GABRA4: variants seen among roughly 807,000 people sequenced by gnomAD.
The protein encoded by GABRA4 is gamma-aminobutyric acid type A receptor subunit alpha4, also known as gamma-aminobutyric acid receptor subunit alpha-4.
In GABRA4, 12 loss-of-function variants were observed where a neutral mutation model predicts 49.7. The observed-to-expected ratio is 0.24, with a 90% CI of 0.15 to 0.39. The LOEUF (loss-of-function observed/expected upper bound fraction) is 0.39. Among genes scored for constraint, GABRA4 ranks in the 10% least tolerant of loss-of-function variants. The pLI is 1.00. For synonymous variants in GABRA4, 288 were observed against 240.2 expected, an observed-to-expected ratio of 1.20 and a Z score of -1.84; for missense variants, 506 against 686.0, an observed-to-expected ratio of 0.74 and a Z score of 2.93.
intron 8 of GABRA4, among the ~76,000 whole-genome samples, chr4:46,944,176 T>C (rs1449483338): frequency 2.0e-5 from 3 of 152,148 alleles, no homozygotes; most frequent in Non-Finnish European, 4.4e-5. Flanking sequence ...ATAGACATGT[T>C]GATTAGCTTG....
intron 2 of GABRA4, among the ~76,000 whole-genome samples, chr4:46,983,252 T>C (rs927751227): frequency 2.0e-5 from 3 of 152,124 alleles, no homozygotes; most frequent in African/African-American, 7.2e-5. Context: ...ATCTAGAATA[T>C]AACATGCTAT....
rs1286928425 is a variant in GABRA4, at chr4:46,923,440, C to A, written c.*4785G>T. 1 of 152,052 alleles carries A rather than the reference C, an allele frequency of 6.6e-6. No individual in the cohort carries two copies. The highest frequency in any genetic ancestry group is 1.5e-5 in the Non-Finnish European group (1 of 67,986). 9.4% of individuals were successfully genotyped at this position (152,052 alleles called of 1,614,324 possible). A position where few individuals can be genotyped will look rare whatever the true frequency, so the allele number is the denominator to read the frequency against. The stretch of plus-strand genomic sequence containing the variant: ...CTGTCTTTTAATCAAGCAATCTACT[C>A]TTCTAGACAAACATATCCAAATACA... On this transcript the variant is annotated 3_prime_UTR_variant, in exon 9 of 9. Transcript: ENST00000264318.
chr4:46,952,524 C>A lies in GABRA4; in HGVS notation c.1134+12446G>T, dbSNP rs117831350. On this transcript the variant is annotated intron_variant, in intron 8 of 8. Transcript: ENST00000264318. ...TTCATTTAAGTGAAATAAAATAAGT[C>A]ATACCCAAACTGATGTTTCTTGAAA... 1.2e-3 allele frequency among the ~76,000 whole-genome samples: 176 copies of A among 152,176 alleles called. 3 individuals are homozygous for A. In the East Asian group the frequency reaches 0.03, roughly 26 times the overall value.
chr4:46,943,283 C>A (rs189999902), intron 8 of GABRA4, among the ~76,000 whole-genome samples: 2 of 152,274 alleles, frequency 1.3e-5, no homozygotes, highest in Non-Finnish European at 2.9e-5. Context: ...AAAACTTCAG[C>A]TGTTTCTGCT....
At chr4:46,972,545 G>A (rs1451448207) in intron 6 of GABRA4, among the ~76,000 whole-genome samples, 1 of 151,358 alleles carries the variant, frequency 6.6e-6, no homozygotes, top group Non-Finnish European at 1.5e-5. Context: ...CACAATCTAT[G>A]CCACAAATAT....
intron 2 of GABRA4, among the ~76,000 whole-genome samples, chr4:46,979,800 C>T (rs1415696155): frequency 6.6e-6 from 1 of 152,110 alleles, no homozygotes. Context: ...CATGAAAGTA[C>T]TCATTCCATG....
At position 46,977,514 on chromosome 4, in the gene GABRA4, A is replaced by G. The variant is rs927735587; in HGVS notation, c.390T>C (p.Pro130=). Residue 130 remains proline, a synonymous_variant, in exon 4 of 9, where the codon CCT becomes CCC. Transcript: ENST00000264318. The part of the protein sequence containing the change: ...NNMMVTKVWT[P]DTFFRNGKKS... ...TCTTTCCATTCCTGAAGAAAGTATC[A>G]GGGGTCCACACTTTCGTTACCATCA... The G allele has an allele frequency of 6.2e-7, 1 of 1,611,042 alleles. No homozygotes were observed. The highest frequency in any genetic ancestry group is 8.5e-7 in the Non-Finnish European group (1 of 1,177,544).
In GABRA4 at chr4:46,923,326, T is replaced by C. The variant is rs1038260986; in HGVS notation, c.*4899A>G. On this transcript the variant is annotated 3_prime_UTR_variant, in exon 9 of 9. Transcript: ENST00000264318. Reference sequence around the variant, plus strand: ...ATTTCTTCAGTTTTACCCTCCAATTTTAATCTTATCTTGAGATAAAAGTCA... The same window carrying C: ...ATTTCTTCAGTTTTACCCTCCAATTCTAATCTTATCTTGAGATAAAAGTCA... 6.6e-6 allele frequency: 1 copy of C among 150,570 alleles called. No homozygotes were observed. The highest frequency in any genetic ancestry group is 1.5e-5 in the Non-Finnish European group (1 of 67,430). The allele number at this position is 150,570 out of a possible 1,614,324, so 9.3% of individuals were successfully genotyped here. A position where few individuals can be genotyped will look rare whatever the true frequency, so the allele number is the denominator to read the frequency against.
chr4:46,946,635 G>A (rs1721990205), intron 8 of GABRA4, among the ~76,000 whole-genome samples: 1 of 152,138 alleles, frequency 6.6e-6, no homozygotes, highest in African/African-American at 2.4e-5. Flanking sequence ...GAATAGGAAA[G>A]GATGATTATA....
intron 8 of GABRA4, among the ~76,000 whole-genome samples, chr4:46,952,702 G>A (rs1010510060): frequency 9.9e-5 from 15 of 152,010 alleles, no homozygotes; most frequent in African/African-American, 3.4e-4. Flanking sequence ...AGTAGCTTAG[G>A]GATGAGAACT....
Position 46,925,317 on chromosome 4 carries a change from CAAGTG to C in GABRA4, c.*2903_*2907del, listed in dbSNP as rs1263808253. 6.6e-6 allele frequency: 1 copy of C among 151,912 alleles called. No individual in the cohort carries two copies. The highest frequency in any genetic ancestry group is 1.5e-5 in the Non-Finnish European group (1 of 67,872). 9.4% of individuals were successfully genotyped at this position (151,912 alleles called of 1,614,324 possible). ...TTATTCAAAGTACTATGTATATGCA[CAAGTG>C]CAAGTCATTTTAAAATGTGGATTAA... On this transcript the variant is annotated 3_prime_UTR_variant, in exon 9 of 9. Coordinates refer to ENST00000264318, the MANE Select transcript of GABRA4 (RefSeq NM_000809.4).
intron 8 of GABRA4, among the ~76,000 whole-genome samples, chr4:46,948,431 C>T (rs1722056336): frequency 6.6e-6 from 1 of 152,036 alleles, no homozygotes; most frequent in Non-Finnish European, 1.5e-5. Flanking sequence ...TTATGGTGAG[C>T]TAGTAAAACA....
At chr4:46,986,412 C>T (rs967532111) in intron 2 of GABRA4, among the ~76,000 whole-genome samples, 3 of 152,018 alleles carry the variant, frequency 2.0e-5, no homozygotes, top group Admixed American at 6.6e-5. Context: ...ACCCCTCCTC[C>T]TTTCTTTATT....
intron 3 of GABRA4, 30 bp from the exon 4 acceptor site, chr4:46,977,660 G>C (rs1723194189): frequency 6.7e-7 from 1 of 1,483,802 alleles, no homozygotes; most frequent in South Asian, 1.2e-5. Flanking sequence ...ACATATTTAA[G>C]TTGCAAATGA....
intron 8 of GABRA4, among the ~76,000 whole-genome samples, chr4:46,964,723 A>C (rs1338433491): frequency 6.6e-6 from 1 of 151,828 alleles, no homozygotes; most frequent in Non-Finnish European, 1.5e-5. Flanking sequence ...AAAAACCTGT[A>C]ACTCCGAAAG....
intron 7 of GABRA4, 143 bp downstream of exon 7, chr4:46,970,940 G>T: frequency 1.4e-6 from 1 of 717,842 alleles, no homozygotes; most frequent in Non-Finnish European, 2.3e-6. Context: ...ACTTTGTACT[G>T]GCTAGATAAA....
intron 8 of GABRA4, among the ~76,000 whole-genome samples, chr4:46,942,719 C>G (rs1441181617): frequency 1.3e-5 from 2 of 151,368 alleles, no homozygotes; most frequent in East Asian, 3.9e-4. Context: ...TCCCATTATT[C>G]TATATTCTAG....
intron 2 of GABRA4, among the ~76,000 whole-genome samples, chr4:46,980,572 T>G (rs1370844921): frequency 3.9e-5 from 6 of 152,040 alleles, no homozygotes; most frequent in Admixed American, 1.3e-4. Context: ...TTAGGCAGTA[T>G]AGTAAGAGAA....
chr4:46,961,442 C>T (rs13138759), intron 8 of GABRA4, among the ~76,000 whole-genome samples: 79,052 of 151,610 alleles, frequency 0.52, 20,921 homozygotes, highest in East Asian at 0.7. Flanking sequence ...TTATGTTTTT[C>T]AGTATTGTCT....
Sources: allele counts gnomAD v4.1 joint callset (sites outside exome capture counted in the v4.1 genomes callset), GRCh38; gene constraint gnomAD v4.1.1; transcripts MANE v1.5; gene names NCBI Gene and HGNC (gene_info 2026-07-23, HGNC 2026-07-21).